CDH13: variants seen among roughly 807,000 people sequenced by gnomAD.
CDH13 encodes the protein cadherin-13.
In CDH13, 24 loss-of-function variants were observed where a neutral mutation model predicts 63.8. The observed-to-expected ratio is 0.38, with a 90% CI of 0.27 to 0.53. CDH13 has a LOEUF of 0.53. Among genes scored for constraint, CDH13 ranks in the 20% least tolerant of loss-of-function variants. The pLI is 0.85. For synonymous variants in CDH13, 503 were observed against 355.3 expected, an observed-to-expected ratio of 1.42 and a Z score of -4.67; for missense variants, 1,049 against 903.1, an observed-to-expected ratio of 1.16 and a Z score of -2.07.
chr16:82,839,396 C>G (rs750730466), intron 1 of CDH13, among the ~76,000 whole-genome samples: 4 of 152,198 alleles, frequency 2.6e-5, no homozygotes, highest in Non-Finnish European at 4.4e-5. Context: ...TCTCTTGTCA[C>G]ATAGCTCAAT....
chr16:83,074,131 C>G lies in CDH13; in HGVS notation c.366+41913C>G, dbSNP rs555927890. 1.1e-4 allele frequency among the ~76,000 whole-genome samples: 16 copies of G among 152,268 alleles called. 1 individual carries two copies. Among genetic ancestry groups the G allele is most frequent in the African/African-American group, 3.6e-4 (15 of 41,560 alleles). On this transcript the variant is annotated intron_variant, in intron 3 of 13. Coordinates refer to ENST00000567109, the MANE Select transcript of CDH13 (RefSeq NM_001257.5). Reference sequence around the variant, plus strand: ...TTTGTACTTAACTAATTTCTCTTCACTTACCCTCCCAGACCGACAAACATC... The same window carrying G: ...TTTGTACTTAACTAATTTCTCTTCAGTTACCCTCCCAGACCGACAAACATC...
chr16:83,057,484 T>C (rs1341000090), intron 3 of CDH13, among the ~76,000 whole-genome samples: 1 of 152,206 alleles, frequency 6.6e-6, no homozygotes, highest in Admixed American at 6.5e-5. Context: ...ATACATGTTA[T>C]GCTTTAATTA....
At chr16:83,559,419 A>G (rs2075659779) in intron 7 of CDH13, among the ~76,000 whole-genome samples, 2 of 152,086 alleles carry the variant, frequency 1.3e-5, no homozygotes, top group African/African-American at 4.8e-5. Context: ...TAAAAATATG[A>G]AATTAGCTGG....
chr16:82,700,956 C>CA (rs2030929829), intron 1 of CDH13, among the ~76,000 whole-genome samples: 1 of 5,906 alleles, frequency 1.7e-4, no homozygotes. Flanking sequence ...CTGGAACCCG[C>CA]CCCCCCCCCC....
chr16:82,861,731 C>G (rs982491821), intron 2 of CDH13, among the ~76,000 whole-genome samples: 1 of 152,196 alleles, frequency 6.6e-6, no homozygotes, highest in African/African-American at 2.4e-5. Context: ...ACATCTGAAT[C>G]ACTCTTTATT....
At chr16:83,199,935 G>A (rs892553848) in intron 4 of CDH13, among the ~76,000 whole-genome samples, 7 of 152,150 alleles carry the variant, frequency 4.6e-5, no homozygotes, top group East Asian at 1.9e-4. Context: ...TGCACCACGG[G>A]GGCAGGAATG....
intron 7 of CDH13, among the ~76,000 whole-genome samples, chr16:83,510,738 G>C (rs6563922): frequency 1 from 152,209 of 152,324 alleles, 76,047 homozygotes; most frequent in Middle Eastern, 1. Context: ...CTAAGCCAAA[G>C]GGGGTTTGGG....
intron 1 of CDH13, among the ~76,000 whole-genome samples, chr16:82,792,245 A>G (rs1020515211): frequency 6.6e-6 from 1 of 152,098 alleles, no homozygotes; most frequent in African/African-American, 2.4e-5. Context: ...CGTGGGCTGA[A>G]CTGTCTGCCT....
chr16:82,944,153 T>G (rs1293727335), intron 2 of CDH13, among the ~76,000 whole-genome samples: 1 of 152,210 alleles, frequency 6.6e-6, no homozygotes. Flanking sequence ...TTAGGAGAAC[T>G]GAGAATACAA....
chr16:82,983,995 C>T (rs1460280647), intron 2 of CDH13, among the ~76,000 whole-genome samples: 5 of 152,154 alleles, frequency 3.3e-5, no homozygotes, highest in South Asian at 4.1e-4. Flanking sequence ...GACTTTCTGC[C>T]GTGGGTGGGA....
chr16:82,985,034 A>T (rs1234687467), intron 2 of CDH13, among the ~76,000 whole-genome samples: 1 of 152,214 alleles, frequency 6.6e-6, no homozygotes, highest in Non-Finnish European at 1.5e-5. Flanking sequence ...GCAGGACAGC[A>T]TGCATGGATC....
intron 4 of CDH13, among the ~76,000 whole-genome samples, chr16:83,180,145 TTTG>T (rs1221136566): frequency 1.3e-5 from 2 of 149,446 alleles, no homozygotes; most frequent in African/African-American, 5.1e-5. Context: ...TAAGGTTTTT[TTTG>T]TTGTTGTTGG....
At chr16:83,416,217 A>C (rs1031562496) in intron 6 of CDH13, among the ~76,000 whole-genome samples, 12 of 152,238 alleles carry the variant, frequency 7.9e-5, no homozygotes, top group Non-Finnish European at 1.8e-4. Context: ...GTATTCTGAA[A>C]ACTACAAAAC....
At chr16:83,290,135 G>A (rs1188829589) in intron 5 of CDH13, among the ~76,000 whole-genome samples, 1 of 152,134 alleles carries the variant, frequency 6.6e-6, no homozygotes, top group Non-Finnish European at 1.5e-5. Context: ...GCATGTTGTT[G>A]TTGCATATCG....
chr16:83,123,493 G>A (rs2035678467), intron 3 of CDH13, among the ~76,000 whole-genome samples: 1 of 151,942 alleles, frequency 6.6e-6, no homozygotes, highest in South Asian at 2.1e-4. Flanking sequence ...TGGTCAGGCT[G>A]GTCTCAAACT....
intron 6 of CDH13, among the ~76,000 whole-genome samples, chr16:83,478,510 C>A (rs1598112618): frequency 6.6e-6 from 1 of 152,170 alleles, no homozygotes; most frequent in South Asian, 2.1e-4. Flanking sequence ...GGATCAAATG[C>A]ACAGCTGGAC....
chr16:83,743,401 G>A (rs573688665), intron 10 of CDH13, among the ~76,000 whole-genome samples: 1 of 152,246 alleles, frequency 6.6e-6, no homozygotes, highest in East Asian at 1.9e-4. Context: ...GCTGAGTATT[G>A]TTTCTGAGGA....
chr16:83,572,014 G>T (rs149056857), intron 7 of CDH13, among the ~76,000 whole-genome samples: 1 of 152,164 alleles, frequency 6.6e-6, no homozygotes, highest in Non-Finnish European at 1.5e-5. Context: ...GTCAGATGGT[G>T]AGGACCATGT....
intron 6 of CDH13, among the ~76,000 whole-genome samples, chr16:83,440,323 G>T (rs1350069476): frequency 6.6e-6 from 1 of 152,170 alleles, no homozygotes; most frequent in Non-Finnish European, 1.5e-5. Context: ...CAGATGAAGT[G>T]GCTTGTCCAC....
Sources: allele counts gnomAD v4.1 joint callset (sites outside exome capture counted in the v4.1 genomes callset), GRCh38; gene constraint gnomAD v4.1.1; transcripts MANE v1.5; gene names NCBI Gene and HGNC (gene_info 2026-07-23, HGNC 2026-07-21).